Variants in SVEP1 observed in about 807,000 individuals in gnomAD.
SVEP1 encodes sushi, von Willebrand factor type A, EGF and pentraxin domain containing 1, also known as sushi, von Willebrand factor type A, EGF and pentraxin domain-containing protein 1.
Under a neutral mutation model 367.3 loss-of-function variants are expected in SVEP1, and 164 were observed. The observed-to-expected ratio is 0.45, with a 90% CI of 0.39 to 0.51. The LOEUF is 0.51. SVEP1 is among the 20% of genes least tolerant of loss of function. The pLI is 0.00. For synonymous variants in SVEP1, 1,666 were observed against 1,611.6 expected (o/e 1.03, Z -0.81); for missense variants, 4,117 against 4,425.3 (o/e 0.93, Z 1.98).
At chr9:110,450,387 A>G in intron 23 of SVEP1, 127 bp from the exon 24 acceptor site, 2 of 945,052 alleles carry the variant, frequency 2.1e-6, no homozygotes, top group Middle Eastern at 3.3e-4. Flanking sequence ...GAGCCCATCA[A>G]ACTGGTTTGA....
intron 36 of SVEP1, among the ~76,000 whole-genome samples, chr9:110,417,487 T>G (rs1828145418): frequency 7.5e-5 from 1 of 13,320 alleles, no homozygotes; most frequent in South Asian, 1.4e-3. Context: ...TCTCGCTGAT[T>G]GCTAGCACAG....
At chr9:110,404,679 ATC>A (rs1827928219) in intron 38 of SVEP1, 127 bp from the exon 39 acceptor site, 1 of 852,026 alleles carries the variant, frequency 1.2e-6, no homozygotes, top group Admixed American at 2.1e-5. Context: ...TTGTTGCACA[ATC>A]AATATGTCAG....
intron 40 of SVEP1, among the ~76,000 whole-genome samples, chr9:110,396,494 A>C (rs998974419): frequency 6.6e-6 from 1 of 152,178 alleles, no homozygotes; most frequent in African/African-American, 2.4e-5. Context: ...GAAATAACTA[A>C]GATCAGAGCA....
chr9:110,459,748 C>CT (rs1393069334), intron 18 of SVEP1, among the ~76,000 whole-genome samples: 7 of 152,018 alleles, frequency 4.6e-5, no homozygotes, highest in Admixed American at 2.0e-4. Flanking sequence ...TGAAATCACT[C>CT]TTTTCACTAC....
At chr9:110,533,660 A>G (rs1407214805) in intron 3 of SVEP1, among the ~76,000 whole-genome samples, 1 of 152,146 alleles carries the variant, frequency 6.6e-6, no homozygotes, top group Non-Finnish European at 1.5e-5. Context: ...GCACACTATA[A>G]GGCACACCAT....
chr9:110,367,667 A>ACTACAGTT (rs11282052), intron 47 of SVEP1, among the ~76,000 whole-genome samples: 69,771 of 151,528 alleles, frequency 0.46, 16,500 homozygotes, highest in Middle Eastern at 0.61. Context: ...CCAACCTAGG[A>ACTACAGTT]CATTGATTCA....
chr9:110,568,507 A>G (rs1219340513), intron 1 of SVEP1, among the ~76,000 whole-genome samples: 1 of 152,134 alleles, frequency 6.6e-6, no homozygotes, highest in Admixed American at 6.5e-5. Flanking sequence ...TGGAAATATG[A>G]TGCCAGTTTC....
At chr9:110,455,550 A>G in intron 22 of SVEP1, 40 bp downstream of exon 22, 1 of 1,464,638 alleles carries the variant, frequency 6.8e-7, no homozygotes, top group Admixed American at 1.9e-5. Flanking sequence ...TTAATGATTC[A>G]AAGATTTATA....
chr9:110,562,584 A>G (rs1564177226), intron 1 of SVEP1, among the ~76,000 whole-genome samples: 1 of 152,242 alleles, frequency 6.6e-6, no homozygotes, highest in Admixed American at 6.5e-5. Context: ...AGAGGTACTT[A>G]CATAATATGA....
intron 40 of SVEP1, among the ~76,000 whole-genome samples, chr9:110,398,258 A>G (rs1370564547): frequency 1.3e-5 from 2 of 152,196 alleles, no homozygotes; most frequent in Non-Finnish European, 2.9e-5. Context: ...TCCCTATTTA[A>G]TAAGTGGTGT....
At chr9:110,434,675 A>AAAAAAAAAAAAAAAAAAAAAAAAC (rs1828406104) in intron 29 of SVEP1, among the ~76,000 whole-genome samples, 169 bp from the exon 30 acceptor site, 1 of 149,508 alleles carries the variant, frequency 6.7e-6, no homozygotes, top group African/African-American at 2.5e-5. Flanking sequence ...CTAAAAAAAA[A>AAAAAAAAAAAAAAAAAAAAAAAAC]AAAAAAAAAA....
intron 40 of SVEP1, among the ~76,000 whole-genome samples, chr9:110,392,390 T>G (rs796922840): frequency 4.6e-5 from 7 of 152,118 alleles, no homozygotes; most frequent in African/African-American, 1.7e-4. Context: ...ATTTAGAGGC[T>G]TGATAATTTC....
intron 36 of SVEP1, among the ~76,000 whole-genome samples, chr9:110,423,152 A>C (rs1401805491): frequency 7.3e-6 from 1 of 137,564 alleles, no homozygotes; most frequent in Admixed American, 7.4e-5. Context: ...AAAAATAAAA[A>C]AATAAAAAAA....
At chr9:110,451,190 A>G in intron 23 of SVEP1, 99 bp downstream of exon 23, 1 of 959,212 alleles carries the variant, frequency 1.0e-6, no homozygotes, top group South Asian at 1.7e-5. Context: ...ACAGTAATAA[A>G]ATCCAAAAAT....
intron 3 of SVEP1, among the ~76,000 whole-genome samples, chr9:110,516,043 C>A (rs2118782576): frequency 6.6e-6 from 1 of 151,852 alleles, no homozygotes; most frequent in African/African-American, 2.4e-5. Flanking sequence ...TTTACCACTA[C>A]ACGTGCTGTG....
chr9:110,378,124 AATCATC>A (rs143420292), intron 44 of SVEP1, among the ~76,000 whole-genome samples: 12,230 of 152,056 alleles, frequency 0.08, 950 homozygotes, highest in African/African-American at 0.21. Flanking sequence ...CTATCTTCTT[AATCATC>A]ATCATCATCA....
intron 36 of SVEP1, among the ~76,000 whole-genome samples, chr9:110,413,397 G>C (rs1028221309): frequency 5.5e-5 from 7 of 126,138 alleles, no homozygotes; most frequent in South Asian, 6.2e-4. Flanking sequence ...GTTGTGGGGT[G>C]GGGGGAGGGG....
At chr9:110,402,864 T>C (rs377522450) in intron 39 of SVEP1, among the ~76,000 whole-genome samples, 130 of 152,328 alleles carry the variant, frequency 8.5e-4, no homozygotes, top group African/African-American at 3.0e-3. Flanking sequence ...CTAATGTTTC[T>C]GCTTTTAGGT....
intron 36 of SVEP1, among the ~76,000 whole-genome samples, chr9:110,412,968 T>A (rs1280925563): frequency 6.6e-6 from 1 of 151,532 alleles, no homozygotes; most frequent in African/African-American, 2.4e-5. Context: ...TCAACCATTG[T>A]GGAAGTCAGT....
Sources: allele counts gnomAD v4.1 joint callset (sites outside exome capture counted in the v4.1 genomes callset), GRCh38; gene constraint gnomAD v4.1.1; transcripts MANE v1.5; gene names NCBI Gene and HGNC (gene_info 2026-07-23, HGNC 2026-07-21).